GPC5: variants seen among roughly 807,000 people sequenced by gnomAD.
GPC5 encodes the protein glypican 5.
In GPC5, 47 loss-of-function variants were observed where a neutral mutation model predicts 53.9. The ratio of observed to expected loss-of-function variants is 0.87; its 90% confidence interval spans 0.69 to 1.11. The LOEUF is 1.11. Among genes scored for constraint, GPC5 ranks in the 50% most tolerant of loss-of-function variants. GPC5 has a pLI of 0.00. For missense variants in GPC5, 748 were observed against 713.1 expected (o/e 1.05, Z -0.56); for synonymous variants, 286 against 263.3 (o/e 1.09, Z -0.84).
chr13:91,439,272 A>T (rs951444639), intron 1 of GPC5, among the ~76,000 whole-genome samples: 4 of 152,244 alleles, frequency 2.6e-5, no homozygotes, highest in African/African-American at 4.8e-5. Flanking sequence ...TGCTAGTGGC[A>T]TCTAATGGGT....
At chr13:92,572,679 AC>A (rs1189913910) in intron 7 of GPC5, among the ~76,000 whole-genome samples, 3 of 152,190 alleles carry the variant, frequency 2.0e-5, no homozygotes, top group African/African-American at 7.2e-5. Context: ...ATTCTTTTTT[AC>A]ATTAACCTTT....
At chr13:92,827,153 A>G (rs1877878270) in intron 7 of GPC5, among the ~76,000 whole-genome samples, 1 of 152,082 alleles carries the variant, frequency 6.6e-6, no homozygotes, top group South Asian at 2.1e-4. Flanking sequence ...TGGGGGAGAG[A>G]GAAAGGAGAC....
At chr13:92,396,812 G>T (rs1284302994) in intron 7 of GPC5, among the ~76,000 whole-genome samples, 1 of 152,174 alleles carries the variant, frequency 6.6e-6, no homozygotes, top group Non-Finnish European at 1.5e-5. Flanking sequence ...TCTCTGGACT[G>T]TGACCTTTGC....
At chr13:91,557,008 A>G (rs1041572255) in intron 2 of GPC5, among the ~76,000 whole-genome samples, 6 of 152,034 alleles carry the variant, frequency 3.9e-5, no homozygotes, top group Non-Finnish European at 7.4e-5. Flanking sequence ...AGCTGCTATG[A>G]TCGTTTGTTT....
chr13:91,727,680 A>C (rs1037129847), intron 3 of GPC5, among the ~76,000 whole-genome samples: 5 of 152,190 alleles, frequency 3.3e-5, no homozygotes, highest in African/African-American at 1.2e-4. Context: ...TTAGGAAATC[A>C]CATTCAAAGA....
chr13:92,826,045 T>C (rs559791473), intron 7 of GPC5, among the ~76,000 whole-genome samples: 273 of 152,302 alleles, frequency 1.8e-3, no homozygotes, highest in Non-Finnish European at 3.5e-3. Context: ...CATGCATATT[T>C]TTGTAGAAGA....
intron 2 of GPC5, among the ~76,000 whole-genome samples, chr13:91,572,027 GTATATATGTGTATATACACACATATGTA>G (rs2031885904): frequency 8.7e-6 from 1 of 114,738 alleles, no homozygotes; most frequent in Admixed American, 8.4e-5. Context: ...ATATACGTGT[GTATATATGTGTATATACACACATATGTA>G]TATATACATG....
chr13:91,930,955 A>T (rs2039816062), intron 6 of GPC5, among the ~76,000 whole-genome samples: 1 of 152,088 alleles, frequency 6.6e-6, no homozygotes. Flanking sequence ...ACCATGATTC[A>T]GAAATTTCTT....
At chr13:92,308,963 T>C (rs2043128664) in intron 7 of GPC5, among the ~76,000 whole-genome samples, 2 of 152,114 alleles carry the variant, frequency 1.3e-5, no homozygotes, top group African/African-American at 4.8e-5. Flanking sequence ...GAGGTTGCAA[T>C]TTATTTATTC....
In GPC5 at chr13:92,086,437, C is replaced by A. The variant is rs551736616; in HGVS notation, c.1402-58393C>A. ...ATGTATTTCTACTCCAATTTAAGCA[C>A]CCACATTCATTGCCTCATCAGGAAT... On this transcript the variant is annotated intron_variant, in intron 6 of 7. Transcript: ENST00000377067. 8.5e-5 allele frequency among the ~76,000 whole-genome samples: 13 copies of A among 152,302 alleles called. No homozygotes were observed. The South Asian group carries it at 2.5e-3, about 29-fold the overall frequency.
intron 5 of GPC5, among the ~76,000 whole-genome samples, chr13:91,832,809 A>G (rs1387376299): frequency 6.6e-6 from 1 of 152,100 alleles, no homozygotes; most frequent in East Asian, 1.9e-4. Flanking sequence ...TAAAATTGAC[A>G]CCCTAACATC....
intron 6 of GPC5, among the ~76,000 whole-genome samples, chr13:92,098,965 T>TA (rs2041443670): frequency 6.6e-6 from 1 of 151,872 alleles, no homozygotes; most frequent in Non-Finnish European, 1.5e-5. Flanking sequence ...TGCCTTTTTT[T>TA]TTTTTTGTCA....
intron 6 of GPC5, among the ~76,000 whole-genome samples, chr13:92,043,036 T>C (rs962280847): frequency 6.6e-6 from 1 of 152,156 alleles, no homozygotes; most frequent in Admixed American, 6.5e-5. Flanking sequence ...TCAATGAACT[T>C]GTAAATCAAT....
intron 7 of GPC5, among the ~76,000 whole-genome samples, chr13:92,833,515 G>GA (rs1878120894): frequency 6.6e-6 from 1 of 152,064 alleles, no homozygotes; most frequent in Admixed American, 6.6e-5. Flanking sequence ...TTCATTCTTT[G>GA]AAAAATTGAT....
chr13:92,341,357 T>C (rs908199584), intron 7 of GPC5, among the ~76,000 whole-genome samples: 1 of 152,092 alleles, frequency 6.6e-6, no homozygotes, highest in Admixed American at 6.6e-5. Context: ...GTATCATATA[T>C]TGTCAACTTC....
At chr13:92,472,010 C>T (rs1878932256) in intron 7 of GPC5, among the ~76,000 whole-genome samples, 1 of 152,080 alleles carries the variant, frequency 6.6e-6, no homozygotes, top group Non-Finnish European at 1.5e-5. Context: ...AATTTGGACC[C>T]TCTTAACTGG....
At chr13:91,807,261 G>C (rs2038236837) in intron 5 of GPC5, among the ~76,000 whole-genome samples, 1 of 152,078 alleles carries the variant, frequency 6.6e-6, no homozygotes, top group Non-Finnish European at 1.5e-5. Context: ...TATGTAAATA[G>C]AGTTATAATC....
At chr13:91,690,169 A>G (rs1252498188) in intron 2 of GPC5, among the ~76,000 whole-genome samples, 2 of 152,182 alleles carry the variant, frequency 1.3e-5, no homozygotes, top group African/African-American at 4.8e-5. Context: ...TACAAGGCAC[A>G]TGACTGTATT....
At chr13:91,988,115 A>G (rs7982480) in intron 6 of GPC5, among the ~76,000 whole-genome samples, 89,193 of 149,310 alleles carry the variant, frequency 0.6, 27,197 homozygotes, top group East Asian at 0.75. Flanking sequence ...AAGCTTTTAG[A>G]TACATATTTT....
Sources: gnomAD v4.1 joint callset for allele counts (sites outside exome capture counted in the v4.1 genomes callset) on GRCh38, gnomAD v4.1.1 for gene constraint, MANE v1.5 for transcripts, NCBI Gene and HGNC (gene_info 2026-07-23, HGNC 2026-07-21) for gene names.